AKAP13: variants seen among roughly 807,000 people sequenced by gnomAD.
AKAP13 encodes A-kinase anchor protein 13.
Under a neutral mutation model 264.5 loss-of-function variants are expected in AKAP13, and 80 were observed. The ratio of observed to expected loss-of-function variants is 0.30; its 90% CI spans 0.25 to 0.36. The LOEUF is 0.36. Ranked by LOEUF, AKAP13 falls within the 10% of genes least tolerant of loss-of-function variation. AKAP13 has a pLI of 1.00. For synonymous variants in AKAP13, 1,380 were observed against 1,250.2 expected, an observed-to-expected ratio of 1.10 and a Z score of -2.19; for missense variants, 3,712 against 3,435.2, an observed-to-expected ratio of 1.08 and a Z score of -2.01.
At chr15:85,542,652 A>G (rs1462141849) in intron 4 of AKAP13, among the ~76,000 whole-genome samples, 1 of 152,248 alleles carries the variant, frequency 6.6e-6, no homozygotes, top group Non-Finnish European at 1.5e-5. Flanking sequence ...AGTTAAGTGT[A>G]GTACAGCCTT....
chr15:85,389,818 C>T lies in AKAP13; in HGVS notation c.-12+9020C>T, dbSNP rs1486816330. On this transcript the variant is annotated intron_variant, in intron 1 of 36. Transcript: ENST00000394518. The stretch of plus-strand genomic sequence containing the variant: ...TATAATCTATTATTTTCTGTCCCCC[C>T]GTGGGGGAGTCTTCCAGTGAAAAGC... 9 of 152,324 alleles carry T rather than the reference C, an allele frequency of 5.9e-5. No homozygotes were observed. In the East Asian group the frequency reaches 1.5e-3, roughly 26 times the overall value. The allele number at this position is 152,324 out of a possible 1,614,324, so 9.4% of individuals were successfully genotyped here.
chr15:85,407,253 A>C (rs1596070206), intron 1 of AKAP13, among the ~76,000 whole-genome samples: 2 of 127,032 alleles, frequency 1.6e-5, no homozygotes, highest in African/African-American at 6.3e-5. Context: ...TTTGGGACGG[A>C]GTCTTGCTCT....
intron 1 of AKAP13, among the ~76,000 whole-genome samples, chr15:85,400,897 T>C (rs1204580927): frequency 6.6e-6 from 1 of 150,814 alleles, no homozygotes; most frequent in East Asian, 1.9e-4. Flanking sequence ...AAACAGAGTA[T>C]GTTGCTCAGG....
At chr15:85,396,678 C>T (rs189015756) in intron 1 of AKAP13, among the ~76,000 whole-genome samples, 53 of 152,196 alleles carry the variant, frequency 3.5e-4, no homozygotes, top group African/African-American at 1.0e-3. Context: ...AAACAAGGCA[C>T]GATAGGTTTC....
intron 16 of AKAP13, among the ~76,000 whole-genome samples, chr15:85,689,421 A>G (rs1183498781): frequency 2.0e-5 from 3 of 152,236 alleles, no homozygotes; most frequent in Non-Finnish European, 4.4e-5. Flanking sequence ...AATTACATGT[A>G]TAAAGGGGTA....
intron 14 of AKAP13, among the ~76,000 whole-genome samples, chr15:85,680,879 G>A (rs749870992): frequency 1.8e-4 from 28 of 152,220 alleles, no homozygotes; most frequent in East Asian, 3.9e-4. Flanking sequence ...GTGCAGTGGC[G>A]CAATCTCGGC....
intron 8 of AKAP13, among the ~76,000 whole-genome samples, chr15:85,615,133 G>A (rs1478508638): frequency 6.6e-6 from 1 of 152,066 alleles, no homozygotes; most frequent in East Asian, 1.9e-4. Context: ...TTCTTATATT[G>A]TTCCATATTA....
At chr15:85,498,331 C>T (rs1475202143) in intron 2 of AKAP13, among the ~76,000 whole-genome samples, 1 of 151,792 alleles carries the variant, frequency 6.6e-6, no homozygotes, top group East Asian at 2.0e-4. Context: ...CATTGTGTGG[C>T]TTCGTCTTGC....
chr15:85,480,113 T>C (rs999925498), intron 1 of AKAP13, among the ~76,000 whole-genome samples: 3 of 152,230 alleles, frequency 2.0e-5, no homozygotes, highest in Non-Finnish European at 2.9e-5. Flanking sequence ...ACAGATTATT[T>C]AGGGATGAAA....
At chr15:85,437,944 A>T (rs1445325900) in intron 1 of AKAP13, among the ~76,000 whole-genome samples, 2 of 147,618 alleles carry the variant, frequency 1.4e-5, no homozygotes, top group East Asian at 4.0e-4. Context: ...CCTATTCAAC[A>T]TAGTGTTGGA....
At chr15:85,567,941 G>GGTGTGTGTGTGTGTGTGTGTGTGT (rs57049395) in intron 5 of AKAP13, among the ~76,000 whole-genome samples, 2 of 141,828 alleles carry the variant, frequency 1.4e-5, no homozygotes, top group African/African-American at 5.3e-5. Context: ...AGCCCAAAGA[G>GGTGTGTGTGTGTGTGTGTGTGTGT]GTGTGTGTGT....
In AKAP13 at chr15:85,546,331, C is replaced by T. The variant is rs765069228; in HGVS notation, c.662+2376C>T. 6.8e-4 allele frequency among the ~76,000 whole-genome samples: 102 copies of T among 150,852 alleles called. 1 individual carries two copies. Among genetic ancestry groups the T allele is most frequent in the South Asian group, 1.3e-3 (6 of 4,788 alleles). On this transcript the variant is annotated intron_variant, in intron 5 of 36. Coordinates refer to ENST00000394518, the MANE Select transcript of AKAP13 (RefSeq NM_007200.5). ...TAATTGTTGTTACCAAACACACACA[C>T]ACACACACACACACACACACACACA...
Position 85,582,111 on chromosome 15 carries a change from A to G in AKAP13, c.4039+4A>G. The G allele has an allele frequency of 1.3e-6, 2 of 1,578,144 alleles. No homozygotes were observed. Among genetic ancestry groups the G allele is most frequent in the Non-Finnish European group, 1.7e-6 (2 of 1,164,326 alleles). On this transcript the variant is annotated splice_donor_region_variant and intron_variant, in intron 7 of 36. Coordinates refer to ENST00000394518, the MANE Select transcript of AKAP13 (RefSeq NM_007200.5). The stretch of plus-strand genomic sequence containing the variant: ...CAGGGGCCTGAGCCAGCAGCAGGTA[A>G]GCAAAACATAATACAAAATTAACAG...
chr15:85,509,295 G>A (rs1448710494), intron 2 of AKAP13, among the ~76,000 whole-genome samples: 1 of 152,102 alleles, frequency 6.6e-6, no homozygotes, highest in East Asian at 1.9e-4. Flanking sequence ...CCTTGTTACC[G>A]AGTAGCATGT....
In AKAP13 at chr15:85,693,406, C is replaced by G. The variant is rs2085394549; in HGVS notation, c.5419C>G (p.Gln1807Glu). ...IPVVGPISCS[Q>E]CMKPFTNKDA... ...TGTTGTGGGTCCCATCAGCTGTAGC[C>G]AGTGTATGAAGCCCTTCACCAACAA... is the stretch of plus-strand genomic sequence containing the variant. Residue 1807 changes from glutamine (Q) to glutamate (E), a missense_variant, in exon 17 of 37, where the codon CAG (glutamine) becomes GAG (glutamate). Around this residue, in one of 3 missense-constraint regions of AKAP13, gnomAD observed 2,759 missense variants for 2,411.7 expected, o/e 1.14. Coordinates refer to ENST00000394518, the MANE Select transcript of AKAP13 (RefSeq NM_007200.5). 1 of 1,613,602 alleles carries G rather than the reference C, an allele frequency of 6.2e-7. No individual in the cohort carries two copies. Among genetic ancestry groups the G allele is most frequent in the Admixed American group, 1.7e-5 (1 of 59,882 alleles).
intron 16 of AKAP13, among the ~76,000 whole-genome samples, chr15:85,686,095 A>G (rs1052345428): frequency 5.9e-5 from 9 of 152,266 alleles, no homozygotes; most frequent in East Asian, 1.9e-4. Context: ...AAATAAAGAC[A>G]TAAGTAAATA....
intron 3 of AKAP13, among the ~76,000 whole-genome samples, chr15:85,529,723 G>C (rs1330359681): frequency 6.6e-6 from 1 of 152,192 alleles, no homozygotes; most frequent in Non-Finnish European, 1.5e-5. Context: ...TGGTGTGGTT[G>C]ATTTCCGGAC....
intron 30 of AKAP13, among the ~76,000 whole-genome samples, chr15:85,734,489 A>T (rs1276222019): frequency 6.6e-6 from 1 of 151,640 alleles, no homozygotes; most frequent in African/African-American, 2.4e-5. Context: ...CTCCTGTTTA[A>T]CTTTTATTCC....
At chr15:85,672,849 G>A (rs2083999213) in intron 14 of AKAP13, among the ~76,000 whole-genome samples, 1 of 152,212 alleles carries the variant, frequency 6.6e-6, no homozygotes, top group African/African-American at 2.4e-5. Flanking sequence ...AACAGTGCCA[G>A]GGTCCATTTT....
Sources: gnomAD v4.1 joint callset for allele counts (sites outside exome capture counted in the v4.1 genomes callset) on GRCh38, gnomAD v4.1.1 for gene constraint, gnomAD v4.1.1 regional missense constraint, MANE v1.5 for transcripts, NCBI Gene and HGNC (gene_info 2026-07-23, HGNC 2026-07-21) for gene names.